Variants in CHN1 observed in about 807,000 individuals in gnomAD.
CHN1 encodes N-chimaerin.
In CHN1, 37 loss-of-function variants were observed where a neutral mutation model predicts 59.5. The observed-to-expected ratio is 0.62, with a 90% CI of 0.48 to 0.82. CHN1 has a LOEUF of 0.82. Ranked by LOEUF, CHN1 falls within the 40% of genes least tolerant of loss-of-function variation. The pLI, the probability that CHN1 is intolerant of heterozygous loss-of-function variation, is 0.00. For synonymous variants in CHN1, 206 were observed against 200.4 expected (o/e 1.03, Z -0.24); for missense variants, 469 against 571.0 (o/e 0.82, Z 1.82).
chr2:174,810,990 C>G (rs964467006), intron 10 of CHN1: 1 of 152,244 alleles, frequency 6.6e-6, no homozygotes, highest in Non-Finnish European at 1.5e-5. Context: ...TTTTCTTTGA[C>G]TGGGCCCCTT....
In CHN1 at chr2:174,878,081, T is replaced by G; in HGVS notation, c.308A>C (p.His103Pro). The G allele has an allele frequency of 6.2e-7, 1 of 1,610,290 alleles. No homozygotes were observed. The highest frequency in any genetic ancestry group is 8.5e-7 in the Non-Finnish European group (1 of 1,177,502). Reference sequence around the variant, plus strand: ...CTCAAAGCGTTTCTCCCCAACAAAGTGCTTGCCATCGTAGTAGAGCCTGAA... The same window carrying G: ...CTCAAAGCGTTTCTCCCCAACAAAGGGCTTGCCATCGTAGTAGAGCCTGAA... ...RNFRLYYDGK[H>P]FVGEKRFESI... is the part of the protein sequence containing the mutation. The change falls in exon 6 of 13, where the codon CAC becomes CCC. Residue 103 changes from histidine (H) to proline (P), a missense_variant. By Grantham distance (77) the His-to-Pro change is moderately conservative. Around this residue, in one of 5 missense-constraint regions of CHN1, gnomAD observed 152 missense variants for 166.1 expected, o/e 0.92. Coordinates refer to ENST00000409900, the MANE Select transcript of CHN1 (RefSeq NM_001822.7).
intron 3 of CHN1, among the ~76,000 whole-genome samples, chr2:174,935,805 C>T (rs1041802182): frequency 1.3e-5 from 2 of 151,968 alleles, no homozygotes; most frequent in African/African-American, 4.8e-5. Context: ...CGGCGGTGCA[C>T]ACATGCAGTC....
intron 6 of CHN1, among the ~76,000 whole-genome samples, chr2:174,856,835 G>C (rs1343373963): frequency 2.0e-5 from 3 of 152,168 alleles, no homozygotes; most frequent in African/African-American, 7.2e-5. Flanking sequence ...AAGATTTGGG[G>C]ATGTTTATGA....
intron 1 of CHN1, among the ~76,000 whole-genome samples, chr2:175,003,271 T>C (rs540435026): frequency 6.6e-6 from 1 of 152,344 alleles, no homozygotes; most frequent in African/African-American, 2.4e-5. Context: ...AATTCTATTT[T>C]CCCATAAGTA....
intron 1 of CHN1, among the ~76,000 whole-genome samples, chr2:174,960,451 A>G (rs1219953503): frequency 6.6e-6 from 1 of 152,228 alleles, no homozygotes; most frequent in Non-Finnish European, 1.5e-5. Context: ...TAAATATTTT[A>G]AATCTTATAA....
At chr2:174,887,572 G>A (rs936392007) in intron 5 of CHN1, among the ~76,000 whole-genome samples, 4 of 152,102 alleles carry the variant, frequency 2.6e-5, no homozygotes, top group African/African-American at 9.6e-5. Context: ...AAGTCATATA[G>A]AAAATGTAAA....
chr2:175,001,722 T>C (rs1232326198), intron 1 of CHN1, among the ~76,000 whole-genome samples: 3 of 152,202 alleles, frequency 2.0e-5, no homozygotes, highest in African/African-American at 7.2e-5. Flanking sequence ...ATCGCATCAG[T>C]TGGTCTGGGC....
chr2:174,969,802 G>T (rs1690702550), intron 1 of CHN1, among the ~76,000 whole-genome samples: 1 of 152,036 alleles, frequency 6.6e-6, no homozygotes, highest in Non-Finnish European at 1.5e-5. Context: ...ATGAGGGCAG[G>T]ATTTTTTTGT....
intron 3 of CHN1, among the ~76,000 whole-genome samples, chr2:174,919,169 C>T (rs1401244629): frequency 6.6e-6 from 1 of 152,202 alleles, no homozygotes; most frequent in African/African-American, 2.4e-5. Flanking sequence ...CCTGCAGGGA[C>T]ACATTACTGT....
At chr2:174,801,201 C>T (rs1684709023) in intron 12 of CHN1, among the ~76,000 whole-genome samples, 1 of 152,192 alleles carries the variant, frequency 6.6e-6, no homozygotes, top group African/African-American at 2.4e-5. Flanking sequence ...TCCATTCCTC[C>T]CTTTATCCCT....
intron 5 of CHN1, among the ~76,000 whole-genome samples, chr2:174,912,267 T>C (rs530549535): frequency 1.3e-4 from 20 of 152,362 alleles, no homozygotes; most frequent in Admixed American, 1.2e-3. Flanking sequence ...ATACGAAGTA[T>C]AGTGTGTAGT....
At chr2:174,863,276 A>G (rs1174964277) in intron 6 of CHN1, among the ~76,000 whole-genome samples, 2 of 152,180 alleles carry the variant, frequency 1.3e-5, no homozygotes, top group Non-Finnish European at 2.9e-5. Flanking sequence ...GAAGTTCAAT[A>G]GACCAATGGG....
At chr2:174,906,513 A>C (rs1201213611) in intron 5 of CHN1, among the ~76,000 whole-genome samples, 1 of 152,176 alleles carries the variant, frequency 6.6e-6, no homozygotes, top group East Asian at 1.9e-4. Flanking sequence ...AAATGTTCTA[A>C]AATTGATTAT....
rs184025847 is a variant in CHN1, at chr2:174,859,181, T to C, written c.550-12224A>G. On this transcript the variant is annotated intron_variant, in intron 6 of 12. Transcript: ENST00000409900. ...AACCAACAGTGACTAGGGATGTGCA[T>C]AGATCCAGGAGTGGCTCTCCAAGCT... 1.0e-3 allele frequency among the ~76,000 whole-genome samples: 153 copies of C among 152,244 alleles called. 1 individual carries two copies. The highest frequency in any genetic ancestry group is 8.8e-5 in the Non-Finnish European group (6 of 68,008).
intron 1 of CHN1, among the ~76,000 whole-genome samples, chr2:174,979,804 C>G (rs1056762775): frequency 2.0e-5 from 3 of 152,022 alleles, no homozygotes; most frequent in African/African-American, 7.3e-5. Context: ...TTGCTTGAAC[C>G]CGGGAGGTAG....
In CHN1 at chr2:174,886,441, A is replaced by G. The variant is rs564213547; in HGVS notation, c.261-8313T>C. 2.6e-5 allele frequency among the ~76,000 whole-genome samples: 4 copies of G among 152,282 alleles called. No homozygotes were observed. In the South Asian group the frequency reaches 6.2e-4, roughly 24 times the overall value. ...ACTTCTAGTTCTTAGATCTAGTTTT[A>G]TATTTCTAAATCCTCCTTGCAGGTT... On this transcript the variant is annotated intron_variant, in intron 5 of 12. Coordinates refer to ENST00000409900, the MANE Select transcript of CHN1 (RefSeq NM_001822.7).
chr2:174,903,151 T>C (rs960881705), intron 5 of CHN1, among the ~76,000 whole-genome samples: 1 of 152,080 alleles, frequency 6.6e-6, no homozygotes, highest in Non-Finnish European at 1.5e-5. Flanking sequence ...CACAGATGAG[T>C]CCTTTTTGAC....
chr2:174,876,395 TGTCA>T (rs780536411), intron 6 of CHN1, among the ~76,000 whole-genome samples: 2 of 152,174 alleles, frequency 1.3e-5, no homozygotes, highest in African/African-American at 4.8e-5. Flanking sequence ...AAGAATATAA[TGTCA>T]GTATTATTCA....
At chr2:174,818,640 T>A (rs886179346) in intron 8 of CHN1, among the ~76,000 whole-genome samples, 6 of 152,142 alleles carry the variant, frequency 3.9e-5, no homozygotes, top group Admixed American at 2.0e-4. Context: ...CATTTTTTTT[T>A]ATGTTACTAT....
Sources: allele counts gnomAD v4.1 joint callset (sites outside exome capture counted in the v4.1 genomes callset), GRCh38; gene constraint gnomAD v4.1.1; regional missense constraint gnomAD v4.1.1; transcripts MANE v1.5; gene names NCBI Gene and HGNC (gene_info 2026-07-23, HGNC 2026-07-21).